The following QRFPR variants were observed in gnomAD, a reference collection of about 807,000 sequenced individuals.
QRFPR encodes the protein pyroglutamylated RFamide peptide receptor.
Under a neutral mutation model 31.3 loss-of-function variants are expected in QRFPR, and 37 were observed. The ratio of observed to expected loss-of-function variants is 1.18; its 90% CI spans 0.91 to 1.56. The LOEUF is 1.56. Ranked by LOEUF, QRFPR falls within the 40% of genes most tolerant of loss-of-function variation. The pLI is 0.00. For synonymous variants in QRFPR, 197 were observed against 192.0 expected, an observed-to-expected ratio of 1.03 and a Z score of -0.22; for missense variants, 542 against 532.5, an observed-to-expected ratio of 1.02 and a Z score of -0.18.
chr4:121,367,679 G>A lies in QRFPR; in HGVS notation c.340+12629C>T, dbSNP rs766668054. ...CTAACACTTTAAGTAGCAGAACTTC[G>A]AATATGTGAACAACAATTATAGTTT... is the stretch of plus-strand genomic sequence containing the variant. On this transcript the variant is annotated intron_variant, in intron 1 of 5. Transcript: ENST00000394427. 3.1e-4 allele frequency among the ~76,000 whole-genome samples: 47 copies of A among 150,024 alleles called. 3 individuals are homozygous for A. The highest frequency in any genetic ancestry group is 9.9e-4 in the African/African-American group (40 of 40,484).
At chr4:121,338,702 A>G (rs1427725615) in intron 2 of QRFPR, among the ~76,000 whole-genome samples, 1 of 152,192 alleles carries the variant, frequency 6.6e-6, no homozygotes, top group Non-Finnish European at 1.5e-5. Flanking sequence ...GCTGAATGAC[A>G]GTGTGACAAA....
chr4:121,352,318 T>A (rs1725776139), intron 1 of QRFPR, among the ~76,000 whole-genome samples: 1 of 152,100 alleles, frequency 6.6e-6, no homozygotes, highest in African/African-American at 2.4e-5. Flanking sequence ...CTGGATTTCT[T>A]TATCCTCCTC....
intron 1 of QRFPR, among the ~76,000 whole-genome samples, chr4:121,352,099 T>G (rs1725771517): frequency 6.6e-6 from 1 of 152,154 alleles, no homozygotes; most frequent in Non-Finnish European, 1.5e-5. Context: ...CTCTGGCGGT[T>G]GGAATAAATA....
intron 3 of QRFPR, among the ~76,000 whole-genome samples, chr4:121,335,610 G>A (rs1178887056): frequency 6.6e-6 from 1 of 151,308 alleles, no homozygotes; most frequent in Non-Finnish European, 1.5e-5. Context: ...AGTGGGGCAG[G>A]GGAGAGAAAA....
At chr4:121,365,720 G>C (rs1385828633) in intron 1 of QRFPR, among the ~76,000 whole-genome samples, 1 of 112,710 alleles carries the variant, frequency 8.9e-6, no homozygotes, top group Non-Finnish European at 1.7e-5. Context: ...AGAAATCACT[G>C]TTTGGATCAG....
rs1560749144 is a variant in QRFPR, at chr4:121,380,190, A to AGAGAGAGAGAGAGG, written c.340+117_340+118insCCTCTCTCTCTCTC. On this transcript the variant is annotated intron_variant, in intron 1 of 5. Transcript: ENST00000394427. ...GAGAGACAGACAGACGAGAGAGGAG[A>AGAGAGAGAGAGAGG]GAGAGAGAGAGAGAGAGAGAGAGAG... 952 of 121,052 alleles carry AGAGAGAGAGAGAGG rather than the reference A, an allele frequency of 7.9e-3. 7 individuals are homozygous for AGAGAGAGAGAGAGG. Among genetic ancestry groups the AGAGAGAGAGAGAGG allele is most frequent in the Middle Eastern group, 0.015 (11 of 720 alleles). 7.5% of individuals were successfully genotyped at this position (121,052 alleles called of 1,614,324 possible). A position where few individuals can be genotyped will look rare whatever the true frequency, so the allele number is the denominator to read the frequency against.
chr4:121,334,631 A>T, intron 3 of QRFPR: 1 of 398,938 alleles, frequency 2.5e-6, no homozygotes, highest in Non-Finnish European at 5.0e-6. Context: ...TGGCAGAGAA[A>T]AAAAGGTATT....
intron 1 of QRFPR, among the ~76,000 whole-genome samples, chr4:121,357,795 A>T (rs1039963357): frequency 6.6e-6 from 1 of 152,220 alleles, no homozygotes; most frequent in African/African-American, 2.4e-5. Flanking sequence ...GATTTGAGAG[A>T]GAGCCCTCAC....
chr4:121,358,463 A>C (rs1725911084), intron 1 of QRFPR, among the ~76,000 whole-genome samples: 1 of 152,198 alleles, frequency 6.6e-6, no homozygotes, highest in African/African-American at 2.4e-5. Context: ...TGGCTATCTG[A>C]TAATGTTCAA....
chr4:121,335,409 G>A (rs927038177), intron 3 of QRFPR, among the ~76,000 whole-genome samples: 10 of 152,118 alleles, frequency 6.6e-5, no homozygotes, highest in South Asian at 4.2e-4. Flanking sequence ...TTGCCAGCCC[G>A]CTGGAGGTCT....
At chr4:121,352,827 A>G (rs1214538286) in intron 1 of QRFPR, among the ~76,000 whole-genome samples, 1 of 151,896 alleles carries the variant, frequency 6.6e-6, no homozygotes, top group Non-Finnish European at 1.5e-5. Context: ...TATTCATTCT[A>G]TTTGTGTTTT....
chr4:121,347,058 T>A (rs1347178083), intron 1 of QRFPR, among the ~76,000 whole-genome samples: 1 of 152,200 alleles, frequency 6.6e-6, no homozygotes, highest in Non-Finnish European at 1.5e-5. Flanking sequence ...GGGAACTATT[T>A]CTTCCAATTC....
At position 121,380,299 on chromosome 4, in the gene QRFPR, G is replaced by T; in HGVS notation, c.340+9C>A. ...GAGAAGGAGCGAAGGAGCGGGGCGCGACTCTTACCCCCCAGCCAGTTGTCG... is the reference window on the plus strand; with the variant it reads ...GAGAAGGAGCGAAGGAGCGGGGCGCTACTCTTACCCCCCAGCCAGTTGTCG... On this transcript the variant is annotated intron_variant, in intron 1 of 5. Coordinates refer to ENST00000394427, the MANE Select transcript of QRFPR (RefSeq NM_198179.3). 1.2e-6 allele frequency: 2 copies of T among 1,602,164 alleles called. No individual in the cohort carries two copies. Among genetic ancestry groups the T allele is most frequent in the South Asian group, 1.1e-5 (1 of 90,332 alleles).
At chr4:121,353,564 G>GTT (rs201624918) in intron 1 of QRFPR, among the ~76,000 whole-genome samples, 2,012 of 151,886 alleles carry the variant, frequency 0.013, 45 homozygotes, top group African/African-American at 0.046. Context: ...AAATCAGATT[G>GTT]TTTATCTCCT....
intron 1 of QRFPR, among the ~76,000 whole-genome samples, chr4:121,366,042 A>T (rs1002085320): frequency 6.7e-6 from 1 of 149,264 alleles, no homozygotes; most frequent in African/African-American, 2.5e-5. Context: ...TTTGTCTTCC[A>T]GGTCTCAAAC....
chr4:121,359,888 A>G (rs937213394), intron 1 of QRFPR, among the ~76,000 whole-genome samples: 3 of 150,894 alleles, frequency 2.0e-5, no homozygotes, highest in African/African-American at 7.3e-5. Context: ...TATTATCACC[A>G]TTTTCCTTCT....
chr4:121,373,940 G>A (rs1400900587), intron 1 of QRFPR, among the ~76,000 whole-genome samples: 5 of 152,074 alleles, frequency 3.3e-5, no homozygotes. Context: ...TTCTTAAAAA[G>A]AGAGACAGGA....
At chr4:121,346,829 C>A (rs1725659661) in intron 1 of QRFPR, among the ~76,000 whole-genome samples, 1 of 152,006 alleles carries the variant, frequency 6.6e-6, no homozygotes, top group Non-Finnish European at 1.5e-5. Flanking sequence ...TGGTAGATTA[C>A]ACTGATTTTG....
At chr4:121,380,197 GAGAGA>G (rs1560749192) in intron 1 of QRFPR, 106 bp downstream of exon 1, 31,047 of 438,058 alleles carry the variant, frequency 0.071, 1,770 homozygotes, top group Non-Finnish European at 0.088. Context: ...GAGAGAGAGA[GAGAGA>G]GAGAGAGAGA....
Sources: allele counts gnomAD v4.1 joint callset (sites outside exome capture counted in the v4.1 genomes callset), GRCh38; gene constraint gnomAD v4.1.1; transcripts MANE v1.5; gene names NCBI Gene and HGNC (gene_info 2026-07-23, HGNC 2026-07-21).